PIEZO2: variants seen among roughly 807,000 people sequenced by gnomAD.
PIEZO2 encodes the protein piezo type mechanosensitive ion channel component 2.
In PIEZO2, 172 loss-of-function variants were observed where a neutral mutation model predicts 337.3. The ratio of observed to expected loss-of-function variants is 0.51; its 90% CI spans 0.45 to 0.58. The LOEUF is 0.58. Among genes scored for constraint, PIEZO2 ranks in the 20% least tolerant of loss-of-function variants. PIEZO2 has a pLI of 0.00. For missense variants in PIEZO2, 3,028 were observed against 3,391.3 expected (o/e 0.89, Z 2.66); for synonymous variants, 1,251 against 1,228.5 (o/e 1.02, Z -0.38).
chr18:10,897,189 A>ATTT (rs113732954), intron 4 of PIEZO2, among the ~76,000 whole-genome samples: 2 of 146,246 alleles, frequency 1.4e-5, no homozygotes, highest in African/African-American at 2.5e-5. Context: ...AGGAGATCTG[A>ATTT]TTTTTTTTTT....
chr18:10,743,571 T>A (rs1174355302), intron 31 of PIEZO2, among the ~76,000 whole-genome samples: 1 of 152,162 alleles, frequency 6.6e-6, no homozygotes, highest in Admixed American at 6.5e-5. Flanking sequence ...TGGCTTATAT[T>A]TCTAGTGCTG....
rs1035360842 is a variant in PIEZO2 at position 10,813,491 on chromosome 18, A to G, written c.918-6217T>C. On this transcript the variant is annotated intron_variant, in intron 7 of 55. Coordinates refer to ENST00000674853, the MANE Select transcript of PIEZO2 (RefSeq NM_001378183.1). The surrounding 1 kb of genome is among the most constrained non-coding windows in gnomAD (Gnocchi z 4.2). ...ACTACCTGGTACCTTATTTAGTGGA[A>G]CCATCCAATATTTGTCTTTTGTGAC... Among the ~76,000 whole-genome samples, 1 of 152,170 alleles carries G rather than the reference A, an allele frequency of 6.6e-6. No homozygotes were observed. Among genetic ancestry groups the G allele is most frequent in the Non-Finnish European group, 1.5e-5 (1 of 68,028 alleles).
At chr18:10,741,816 AAGAT>A (rs2037228450) in intron 32 of PIEZO2, among the ~76,000 whole-genome samples, 1 of 152,210 alleles carries the variant, frequency 6.6e-6, no homozygotes, top group African/African-American at 2.4e-5. Flanking sequence ...ATAGAAATAA[AAGAT>A]AGCAGTATAC....
At chr18:11,072,344 C>T (rs2038371909) in intron 1 of PIEZO2, among the ~76,000 whole-genome samples, 1 of 152,166 alleles carries the variant, frequency 6.6e-6, no homozygotes, top group Admixed American at 6.5e-5. Context: ...AAAATCACCC[C>T]AATTGACATG....
chr18:10,844,858 C>G (rs2041306787), intron 7 of PIEZO2, among the ~76,000 whole-genome samples: 1 of 151,394 alleles, frequency 6.6e-6, no homozygotes, highest in Admixed American at 6.6e-5. Flanking sequence ...GCAAGACACT[C>G]AGCAAGTGCT....
At position 11,001,686 on chromosome 18, in the gene PIEZO2, T is replaced by G. The variant is rs2035540488; in HGVS notation, c.161-22026A>C. The stretch of plus-strand genomic sequence containing the variant: ...TGAGGTCGGGAGTTCGAGACCAACC[T>G]GGCTAACATGGTAAAACCCTGTCTC... On this transcript the variant is annotated intron_variant, in intron 2 of 55. Coordinates refer to ENST00000674853, the MANE Select transcript of PIEZO2 (RefSeq NM_001378183.1). The surrounding 1 kb of genome is among the most constrained non-coding windows in gnomAD (Gnocchi z 5.3). Among the ~76,000 whole-genome samples, 3 of 151,958 alleles carry G rather than the reference T, an allele frequency of 2.0e-5. No individual in the cohort carries two copies. The highest frequency in any genetic ancestry group is 2.0e-4 in the Admixed American group (3 of 15,244).
intron 2 of PIEZO2, among the ~76,000 whole-genome samples, chr18:11,039,767 CACACACACAA>C: frequency 6.9e-6 from 1 of 144,762 alleles, no homozygotes; most frequent in Non-Finnish European, 1.5e-5. Flanking sequence ...CACACACACA[CACACACACAA>C]AATTTCTTCC....
At chr18:10,880,318 A>T (rs2042378457) in intron 4 of PIEZO2, among the ~76,000 whole-genome samples, 1 of 152,214 alleles carries the variant, frequency 6.6e-6, no homozygotes. Context: ...AGACAGGTGG[A>T]TACTCATGGG....
chr18:10,671,674 C>G lies in PIEZO2; in HGVS notation c.8451G>C (p.Val2817=). 2 of 1,613,932 alleles carry G rather than the reference C, an allele frequency of 1.2e-6. No individual in the cohort carries two copies. The highest frequency in any genetic ancestry group is 1.7e-6 in the Non-Finnish European group (2 of 1,179,970). The change falls in exon 56 of 56, where the codon GTG becomes GTC. Residue 2817 remains valine, a synonymous_variant. Coordinates refer to ENST00000674853, the MANE Select transcript of PIEZO2 (RefSeq NM_001378183.1). ...CTGTGCACAACTTCAAAATTCGATC[C>G]ACATTTGGAAGCTCTTCAAACATGA... ...HSIMFEELPN[V]DRILKLCTDI...
rs1435911327 is a variant in PIEZO2, at chr18:11,110,633, C to A, written c.64+37892G>T. On this transcript the variant is annotated intron_variant, in intron 1 of 55. Coordinates refer to ENST00000674853, the MANE Select transcript of PIEZO2 (RefSeq NM_001378183.1). This position sits in a 1 kb window ranked among gnomAD's most constrained non-coding sequence, Gnocchi z 4.2. ...GGGAGCAGGTGGAGCCGGTGAGCAG[C>A]CCCAGGCCAGGCTAGCAAGTCAGTG... Among the ~76,000 whole-genome samples the A allele has an allele frequency of 6.6e-6, 1 of 152,172 alleles. No individual in the cohort carries two copies. Among genetic ancestry groups the A allele is most frequent in the African/African-American group, 2.4e-5 (1 of 41,442 alleles).
intron 7 of PIEZO2, among the ~76,000 whole-genome samples, chr18:10,827,960 T>C (rs1046498182): frequency 1.3e-5 from 2 of 152,092 alleles, no homozygotes; most frequent in African/African-American, 2.4e-5. Context: ...GTGCAAAACA[T>C]AAAAAAACTA....
chr18:10,733,816 G>C (rs910132439), intron 35 of PIEZO2, among the ~76,000 whole-genome samples: 9 of 152,150 alleles, frequency 5.9e-5, no homozygotes, highest in African/African-American at 2.2e-4. Flanking sequence ...TGGAAAATCA[G>C]ACACAAGCTC....
chr18:10,997,255 A>G (rs866326898), intron 2 of PIEZO2, among the ~76,000 whole-genome samples: 28 of 152,016 alleles, frequency 1.8e-4, no homozygotes, highest in Middle Eastern at 3.4e-3. Flanking sequence ...AAAAAAAAAA[A>G]AAAGAAAGAA....
At chr18:10,776,118 TCTC>T (rs1388036503) in intron 18 of PIEZO2, among the ~76,000 whole-genome samples, 1 of 152,216 alleles carries the variant, frequency 6.6e-6, no homozygotes, top group South Asian at 2.1e-4. Context: ...CTTTTCTCTC[TCTC>T]TTTTTCTCAT....
intron 3 of PIEZO2, among the ~76,000 whole-genome samples, chr18:10,977,684 T>C (rs535514854): frequency 8.5e-4 from 130 of 152,306 alleles, no homozygotes; most frequent in African/African-American, 3.0e-3. Flanking sequence ...TAACATGTGG[T>C]TTTTAATCAA....
chr18:11,083,456 G>A lies in PIEZO2; in HGVS notation c.65-17234C>T, dbSNP rs377332863. ...TAAGGGCAGAAATGCTCTCCTCCAGGGAATGATGCTGGCTGTGGCTTGGGG... is the reference window on the plus strand; with the variant it reads ...TAAGGGCAGAAATGCTCTCCTCCAGAGAATGATGCTGGCTGTGGCTTGGGG... On this transcript the variant is annotated intron_variant, in intron 1 of 55. Transcript: ENST00000674853. This position sits in a 1 kb window ranked among gnomAD's most constrained non-coding sequence, Gnocchi z 4.4. Among the ~76,000 whole-genome samples the A allele has an allele frequency of 6.6e-6, 1 of 152,322 alleles. No homozygotes were observed. Among genetic ancestry groups the A allele is most frequent in the African/African-American group, 2.4e-5 (1 of 41,580 alleles).
At chr18:10,906,825 T>C (rs2029983195) in intron 4 of PIEZO2, among the ~76,000 whole-genome samples, 1 of 151,898 alleles carries the variant, frequency 6.6e-6, no homozygotes, top group Non-Finnish European at 1.5e-5. Flanking sequence ...CCTCCCAAAG[T>C]GCTGGGATTA....
At chr18:10,922,132 T>A (rs994821751) in intron 3 of PIEZO2, among the ~76,000 whole-genome samples, 10 of 152,116 alleles carry the variant, frequency 6.6e-5, no homozygotes, top group Non-Finnish European at 1.3e-4. Flanking sequence ...GACCCACACC[T>A]GTTCACACAC....
At chr18:11,091,928 C>T (rs931281259) in intron 1 of PIEZO2, among the ~76,000 whole-genome samples, 19 of 152,334 alleles carry the variant, frequency 1.2e-4, no homozygotes, top group African/African-American at 4.3e-4. Flanking sequence ...ACACGACAAC[C>T]TCCTAAAGCA....
Sources: allele counts gnomAD v4.1 joint callset (sites outside exome capture counted in the v4.1 genomes callset), GRCh38; gene constraint gnomAD v4.1.1; non-coding constraint Gnocchi (gnomAD v3.1); transcripts MANE v1.5; gene names NCBI Gene and HGNC (gene_info 2026-07-23, HGNC 2026-07-21).